GRM4: variants seen among roughly 807,000 people sequenced by gnomAD.
GRM4 encodes glutamate metabotropic receptor 4.
In GRM4, 28 loss-of-function variants were observed where a neutral mutation model predicts 81.7. The ratio of observed to expected loss-of-function variants is 0.34; its 90% confidence interval spans 0.25 to 0.47. The LOEUF (loss-of-function observed/expected upper bound fraction) is 0.47. Among genes scored for constraint, GRM4 ranks in the 20% least tolerant of loss-of-function variants. The pLI, the probability that GRM4 is intolerant of heterozygous loss-of-function variation, is 1.00. For missense variants in GRM4, 948 were observed against 1,290.0 expected (o/e 0.73, Z 4.06); for synonymous variants, 488 against 528.8 (o/e 0.92, Z 1.06).
Position 34,121,179 on chromosome 6 carries a change from C to T in GRM4, c.519+11799G>A, listed in dbSNP as rs990216842. On this transcript the variant is annotated intron_variant, in intron 2 of 10. Coordinates refer to ENST00000538487, the MANE Select transcript of GRM4 (RefSeq NM_000841.4). The surrounding 1 kb of genome is among the most constrained non-coding windows in gnomAD (Gnocchi z 4.6). ...TCTCCTCTCAGAACAGTCCTGACCCCGGAAACCACTCACCCTCACACACCG... is the reference window on the plus strand; with the variant it reads ...TCTCCTCTCAGAACAGTCCTGACCCTGGAAACCACTCACCCTCACACACCG... 2.0e-5 allele frequency among the ~76,000 whole-genome samples: 3 copies of T among 152,114 alleles called. No individual in the cohort carries two copies. Among genetic ancestry groups the T allele is most frequent in the Non-Finnish European group, 2.9e-5 (2 of 68,016 alleles).
At chr6:34,057,734 G>C (rs987243448) in intron 5 of GRM4, among the ~76,000 whole-genome samples, 3 of 152,216 alleles carry the variant, frequency 2.0e-5, no homozygotes, top group African/African-American at 7.2e-5. Context: ...GGCAAGTCCT[G>C]GATTCTGGTC....
In GRM4 at chr6:34,116,707, A is replaced by T. The variant is rs1016460303; in HGVS notation, c.519+16271T>A. On this transcript the variant is annotated intron_variant, in intron 2 of 10. Coordinates refer to ENST00000538487, the MANE Select transcript of GRM4 (RefSeq NM_000841.4). ...CGTTTACATCCACTAAAAGACACGT[A>T]CACAAATGTTAAGAGTGGCTCTATT... Among the ~76,000 whole-genome samples, 8 of 152,372 alleles carry T rather than the reference A, an allele frequency of 5.3e-5. 1 individual carries two copies. The highest frequency in any genetic ancestry group is 2.0e-4 in the Admixed American group (3 of 15,300).
chr6:34,135,738 G>A (rs1399262345), intron 1 of GRM4, among the ~76,000 whole-genome samples: 1 of 152,252 alleles, frequency 6.6e-6, no homozygotes, highest in African/African-American at 2.4e-5. Flanking sequence ...ATAGTGACAG[G>A]AGGTGGGGTA....
rs1037061830 is a variant in GRM4 at position 34,035,414 on chromosome 6, G to A, written c.2442+254C>T. Among the ~76,000 whole-genome samples the A allele has an allele frequency of 1.3e-5, 2 of 151,334 alleles. No homozygotes were observed. The highest frequency in any genetic ancestry group is 2.4e-5 in the African/African-American group (1 of 41,078). ...AGGAGAGATGAGACAGAGAGAAAGG[G>A]GGAGAGAGAAGAGGGAGAGGGGCAA... On this transcript the variant is annotated intron_variant, in intron 9 of 10. Coordinates refer to ENST00000538487, the MANE Select transcript of GRM4 (RefSeq NM_000841.4). This position sits in a 1 kb window ranked among gnomAD's most constrained non-coding sequence, Gnocchi z 6.6.
upstream of GRM4, among the ~76,000 whole-genome samples, chr6:34,148,309 T>C (rs1770980653): frequency 6.6e-6 from 1 of 152,008 alleles, no homozygotes; most frequent in Non-Finnish European, 1.5e-5. Flanking sequence ...TTCTCACTCT[T>C]GTTCTCTCTG....
rs574472737 is a variant in GRM4 at position 34,022,533 on chromosome 6, C to A, written c.*288G>T. On this transcript the variant is annotated 3_prime_UTR_variant, in exon 11 of 11. Transcript: ENST00000538487. The surrounding 1 kb of genome is among the most constrained non-coding windows in gnomAD (Gnocchi z 5.6). ...GGAGGGAGAGATCTAGCACTGGGGC[C>A]CACACGACCTGAGCCCCTGTGGTTT... 4 of 500,064 alleles carry A rather than the reference C, an allele frequency of 8.0e-6. No individual in the cohort carries two copies. In the East Asian group the frequency reaches 1.4e-4, roughly 17 times the overall value. The allele number at this position is 500,064 out of a possible 1,614,324, so 31.0% of individuals were successfully genotyped here. A position where few individuals can be genotyped will look rare whatever the true frequency, so the allele number is the denominator to read the frequency against.
rs3778057 is a variant in GRM4, at chr6:34,034,821, C to T, written c.2442+847G>A. On this transcript the variant is annotated intron_variant, in intron 9 of 10. Transcript: ENST00000538487. This position sits in a 1 kb window ranked among gnomAD's most constrained non-coding sequence, Gnocchi z 4.0. ...CAGACCAAGACCTGGGTCCTTGGTG[C>T]ACCTTGATGCCCTGCCTTCAGTGAC... is the stretch of plus-strand genomic sequence containing the variant. Among the ~76,000 whole-genome samples, 50,538 of 152,162 alleles carry T rather than the reference C, an allele frequency of 0.33. 10,236 individuals are homozygous for T. The highest frequency in any genetic ancestry group is 0.45 in the Non-Finnish European group (30,419 of 67,970).
At chr6:34,093,949 TACATTATCC>T (rs1386237680) in intron 2 of GRM4, among the ~76,000 whole-genome samples, 1 of 152,254 alleles carries the variant, frequency 6.6e-6, no homozygotes, top group Non-Finnish European at 1.5e-5. Context: ...TGGCATGTAC[TACATTATCC>T]ACTGGCACTG....
At chr6:34,104,449 C>T (rs763627478) in intron 2 of GRM4, among the ~76,000 whole-genome samples, 20 of 152,242 alleles carry the variant, frequency 1.3e-4, no homozygotes, top group Admixed American at 7.2e-4. Context: ...TTCTCCCTCA[C>T]ACAATAATCC....
intron 8 of GRM4, among the ~76,000 whole-genome samples, chr6:34,038,215 G>A (rs751202124): frequency 3.3e-5 from 5 of 152,236 alleles, no homozygotes; most frequent in Admixed American, 6.5e-5. Context: ...TTGCTACCTG[G>A]CTGTGCGTCC....
chr6:34,049,775 C>A (rs933281414), intron 6 of GRM4, among the ~76,000 whole-genome samples: 2 of 152,100 alleles, frequency 1.3e-5, no homozygotes, highest in Non-Finnish European at 2.9e-5. Context: ...ATAAACACCA[C>A]GGCCACACTG....
chr6:34,123,407 C>T (rs1431968455), intron 2 of GRM4, among the ~76,000 whole-genome samples: 4 of 152,280 alleles, frequency 2.6e-5, no homozygotes, highest in South Asian at 4.2e-4. Flanking sequence ...GATGCTCCTT[C>T]GGCAGGAGAT....
intron 3 of GRM4, among the ~76,000 whole-genome samples, chr6:34,082,151 C>G (rs535426270): frequency 4.6e-5 from 7 of 151,066 alleles, no homozygotes; most frequent in African/African-American, 1.7e-4. Flanking sequence ...CCAGTGGGAG[C>G]CTGGGGGACA....
intron 1 of GRM4, among the ~76,000 whole-genome samples, chr6:34,141,675 A>C (rs1413248603): frequency 8.0e-6 from 1 of 124,700 alleles, no homozygotes; most frequent in African/African-American, 3.0e-5. Flanking sequence ...TCGGGCCTGC[A>C]GTCGAGGGGC....
At position 34,021,781 on chromosome 6, in the gene GRM4, T is replaced by A. The variant is rs1394706041; in HGVS notation, c.*1040A>T. Reference sequence around the variant, plus strand: ...AGCCCAGTTCCCGCTTCCCTCTAGGTCTAAGCCCTCCAGCTGCAGGCTGAG... The same window carrying A: ...AGCCCAGTTCCCGCTTCCCTCTAGGACTAAGCCCTCCAGCTGCAGGCTGAG... On this transcript the variant is annotated 3_prime_UTR_variant, in exon 11 of 11. Transcript: ENST00000538487. The surrounding 1 kb of genome is among the most constrained non-coding windows in gnomAD (Gnocchi z 5.3). 6.6e-6 allele frequency: 1 copy of A among 152,470 alleles called. No individual in the cohort carries two copies. The highest frequency in any genetic ancestry group is 1.5e-5 in the Non-Finnish European group (1 of 68,178). The allele number at this position is 152,470 out of a possible 1,614,324, so 9.4% of individuals were successfully genotyped here.
chr6:34,107,431 G>A (rs769969275), intron 2 of GRM4, among the ~76,000 whole-genome samples: 1 of 152,156 alleles, frequency 6.6e-6, no homozygotes, highest in Non-Finnish European at 1.5e-5. Flanking sequence ...CCGTATGCTC[G>A]TATTGCTGAG....
rs1193392708 is a variant in GRM4 at position 34,069,026 on chromosome 6, A to AGGC, written c.737-7001_737-6999dup. On this transcript the variant is annotated intron_variant, in intron 3 of 10. Transcript: ENST00000538487. The surrounding 1 kb of genome is among the most constrained non-coding windows in gnomAD (Gnocchi z 6.4). Reference sequence around the variant, plus strand: ...AAATCTACCTTATGGCAAAATGTGAAGGCAGCAATTTCCAGTGGGGTAGGG... The same window carrying AGGC: ...AAATCTACCTTATGGCAAAATGTGAAGGCGGCAGCAATTTCCAGTGGGGTAGGG... 6.6e-6 allele frequency among the ~76,000 whole-genome samples: 1 copy of AGGC among 152,092 alleles called. No homozygotes were observed. Among genetic ancestry groups the AGGC allele is most frequent in the Non-Finnish European group, 1.5e-5 (1 of 68,006 alleles).
In GRM4 at chr6:34,035,674, G is replaced by A. The variant is rs373640068; in HGVS notation, c.2436C>T (p.Ala812=). ...CCCGGCCCCCACCACTCACCTTGTC[G>A]GCCGACTGCGAGGTGCCAAAGAAGA... ...IPIFFGTSQS[A]DKLYIQTTTL... is the part of the protein sequence containing the mutation. The change falls in exon 9 of 11, where the codon GCC becomes GCT. Residue 812 remains alanine, a synonymous_variant. Coordinates refer to ENST00000538487, the MANE Select transcript of GRM4 (RefSeq NM_000841.4). The surrounding 1 kb of genome is among the most constrained non-coding windows in gnomAD (Gnocchi z 6.6). The A allele has an allele frequency of 1.6e-5, 25 of 1,560,880 alleles. No homozygotes were observed. The highest frequency in any genetic ancestry group is 1.2e-4 in the African/African-American group (9 of 73,988).
chr6:34,118,033 C>T (rs925747070), intron 2 of GRM4, among the ~76,000 whole-genome samples: 1 of 152,184 alleles, frequency 6.6e-6, no homozygotes, highest in African/African-American at 2.4e-5. Flanking sequence ...TGGACAAAAG[C>T]TGGCTACAGA....
Sources: gnomAD v4.1 joint callset for allele counts (sites outside exome capture counted in the v4.1 genomes callset) on GRCh38, gnomAD v4.1.1 for gene constraint, Gnocchi (gnomAD v3.1) non-coding constraint, MANE v1.5 for transcripts, NCBI Gene and HGNC (gene_info 2026-07-23, HGNC 2026-07-21) for gene names.